Variants in VDAC1 observed in about 807,000 individuals in gnomAD.
VDAC1 encodes the protein voltage dependent anion channel 1, also known as non-selective voltage-gated ion channel VDAC1.
A neutral mutation model predicts 34.7 loss-of-function variants in VDAC1; 10 were observed. The observed-to-expected ratio is 0.29, with a 90% CI of 0.18 to 0.49. The LOEUF (loss-of-function observed/expected upper bound fraction) is 0.49, where lower values mean the gene tolerates loss of function less well. VDAC1 is among the 20% of genes least tolerant of loss of function. The pLI, the probability that VDAC1 is intolerant of heterozygous loss-of-function variation, is 0.99. For missense variants in VDAC1, 230 were observed against 347.9 expected (o/e 0.66, Z 2.69); for synonymous variants, 130 against 136.0 (o/e 0.96, Z 0.30).
chr5:133,993,576 TG>T (rs960690209), intron 1 of VDAC1, among the ~76,000 whole-genome samples: 2 of 152,250 alleles, frequency 1.3e-5, no homozygotes, highest in African/African-American at 4.8e-5. Flanking sequence ...TTGGACTTTA[TG>T]GGAACCCACT....
chr5:134,033,383 C>G, the VDAC1 span, among the ~76,000 whole-genome samples: 4 of 151,500 alleles, frequency 2.6e-5, no homozygotes, highest in African/African-American at 9.7e-5. Context: ...GTCTCGATCT[C>G]CTAACCTCGT....
the VDAC1 span, among the ~76,000 whole-genome samples, chr5:134,053,125 GAAGA>G: frequency 2.7e-5 from 4 of 149,460 alleles, no homozygotes; most frequent in African/African-American, 9.9e-5. Context: ...CAAAAAAAAA[GAAGA>G]AAGAAATAAA....
chr5:133,996,867 G>C (rs573678401), intron 1 of VDAC1, among the ~76,000 whole-genome samples: 132 of 152,212 alleles, frequency 8.7e-4, no homozygotes, highest in African/African-American at 3.1e-3. Flanking sequence ...CCAAGAGTGG[G>C]GGAGTTGGGG....
At chr5:134,020,331 C>G in the VDAC1 span, among the ~76,000 whole-genome samples, 1 of 151,930 alleles carries the variant, frequency 6.6e-6, no homozygotes, top group Non-Finnish European at 1.5e-5. Flanking sequence ...GGTTCTTCCA[C>G]GACTCCCCCG....
At chr5:134,076,896 G>A in the VDAC1 span, among the ~76,000 whole-genome samples, 1 of 152,132 alleles carries the variant, frequency 6.6e-6, no homozygotes, top group Non-Finnish European at 1.5e-5. Flanking sequence ...GTACCTAACA[G>A]GAGATCCGGA....
the VDAC1 span, among the ~76,000 whole-genome samples, chr5:134,092,277 A>C: frequency 7.8e-4 from 119 of 152,270 alleles, no homozygotes; most frequent in Middle Eastern, 6.8e-3. Context: ...AAAAGTCAAA[A>C]TCACTATAAT....
the VDAC1 span, among the ~76,000 whole-genome samples, chr5:134,063,339 ATGT>A: frequency 6.6e-6 from 1 of 152,162 alleles, no homozygotes; most frequent in African/African-American, 2.4e-5. Flanking sequence ...GTTGATTTAT[ATGT>A]TTACTTAACA....
At chr5:133,985,994 G>C (rs1049237573) in intron 5 of VDAC1, among the ~76,000 whole-genome samples, 1 of 152,184 alleles carries the variant, frequency 6.6e-6, no homozygotes, top group Non-Finnish European at 1.5e-5. Context: ...CAAGAGAAAG[G>C]GCAGTGCTGG....
intron 1 of VDAC1, among the ~76,000 whole-genome samples, chr5:134,000,168 C>T (rs1002618111): frequency 6.6e-6 from 1 of 152,186 alleles, no homozygotes; most frequent in African/African-American, 2.4e-5. Context: ...AGAAACAACC[C>T]AGGGGAACAG....
chr5:134,036,438 G>A, the VDAC1 span, among the ~76,000 whole-genome samples: 3 of 152,144 alleles, frequency 2.0e-5, no homozygotes, highest in South Asian at 6.2e-4. Flanking sequence ...AAAGACTGGG[G>A]AACTGTCCCA....
chr5:133,985,886 T>C (rs956460076), intron 5 of VDAC1, among the ~76,000 whole-genome samples: 1 of 152,242 alleles, frequency 6.6e-6, no homozygotes, highest in Admixed American at 6.5e-5. Flanking sequence ...ATGATGCCTA[T>C]GGCAGGGCCT....
chr5:134,072,600 C>T, the VDAC1 span, among the ~76,000 whole-genome samples: 2 of 152,180 alleles, frequency 1.3e-5, no homozygotes, highest in African/African-American at 4.8e-5. Flanking sequence ...GCAGAAACAC[C>T]GGACAAATGC....
the VDAC1 span, among the ~76,000 whole-genome samples, chr5:134,021,973 C>T: frequency 6.6e-6 from 1 of 151,332 alleles, no homozygotes; most frequent in Admixed American, 6.6e-5. Context: ...TGCCTCCCGG[C>T]TTCTCCAAGC....
chr5:134,048,754 C>A, the VDAC1 span, among the ~76,000 whole-genome samples: 3 of 152,050 alleles, frequency 2.0e-5, no homozygotes, highest in Admixed American at 6.6e-5. Flanking sequence ...TCCTCTAGTC[C>A]TTATCCCCCG....
chr5:134,093,440 C>G, the VDAC1 span, among the ~76,000 whole-genome samples: 924 of 152,224 alleles, frequency 6.1e-3, 17 homozygotes, highest in African/African-American at 0.02. Context: ...GGTAGCCATG[C>G]ATATGTTTAT....
rs542220207 is a variant in VDAC1, at chr5:133,975,922, C to T, written c.651G>A (p.Thr217=). Reference sequence around the variant, plus strand: ...GATACTTGGCTGCTATTCCGAAGCGCGTGTTACTGTTTCCTGCTGTCCAGG... The same window carrying T: ...GATACTTGGCTGCTATTCCGAAGCGTGTGTTACTGTTTCCTGCTGTCCAGG... ...NLAWTAGNSN[T]RFGIAAKYQI... is the part of the protein sequence containing the mutation. The change falls in exon 7 of 9, where the codon ACG becomes ACA. Residue 217 remains threonine, a synonymous_variant. Transcript: ENST00000265333. 1.9e-4 allele frequency: 312 copies of T among 1,613,098 alleles called. 4 individuals are homozygous for T. The South Asian group carries it at 3.1e-3, about 16-fold the overall frequency.
chr5:134,011,747 C>T, the VDAC1 span, among the ~76,000 whole-genome samples: 2 of 150,798 alleles, frequency 1.3e-5, no homozygotes, highest in African/African-American at 4.9e-5. Flanking sequence ...TCCAGCAATT[C>T]TTATGCATCA....
chr5:134,091,152 A>G, the VDAC1 span, among the ~76,000 whole-genome samples: 1 of 152,244 alleles, frequency 6.6e-6, no homozygotes, highest in Non-Finnish European at 1.5e-5. Flanking sequence ...GGGCTGTGAA[A>G]AAGGAATGGA....
At position 133,992,294 on chromosome 5, in the gene VDAC1, T is replaced by C. The variant is rs1256586633; in HGVS notation, c.117+12A>G. 1 of 1,561,304 alleles carries C rather than the reference T, an allele frequency of 6.4e-7. No individual in the cohort carries two copies. The highest frequency in any genetic ancestry group is 8.6e-7 in the Non-Finnish European group (1 of 1,156,420). ...ATAAATACTCATGTTCCATGTGGGT[T>C]GGACAACTTACCAATCCATTCTCAG... On this transcript the variant is annotated intron_variant, in intron 3 of 8. Transcript: ENST00000265333.
Sources: gnomAD v4.1 joint callset for allele counts (sites outside exome capture counted in the v4.1 genomes callset) on GRCh38, gnomAD v4.1.1 for gene constraint, MANE v1.5 for transcripts, NCBI Gene and HGNC (gene_info 2026-07-23, HGNC 2026-07-21) for gene names.